Variants in ARHGAP15 observed in about 807,000 individuals in gnomAD.
ARHGAP15 encodes rho GTPase-activating protein 15.
In ARHGAP15, 51 loss-of-function variants were observed where a neutral mutation model predicts 63.7. That is an observed-to-expected ratio of 0.80 (90% CI 0.64 to 1.01). ARHGAP15 has a LOEUF of 1.01. Among genes scored for constraint, ARHGAP15 ranks in the 50% least tolerant of loss-of-function variants. ARHGAP15 has a pLI of 0.00. For missense variants in ARHGAP15, 560 were observed against 564.6 expected (o/e 0.99, Z 0.08); for synonymous variants, 191 against 193.8 (o/e 0.99, Z 0.12).
intron 10 of ARHGAP15, among the ~76,000 whole-genome samples, chr2:143,532,123 G>T (rs917914882): frequency 6.6e-6 from 1 of 152,170 alleles, no homozygotes; most frequent in Non-Finnish European, 1.5e-5. Flanking sequence ...AACAGTGACT[G>T]GGAATATTGT....
At chr2:143,421,158 A>G (rs1185541569) in intron 6 of ARHGAP15, among the ~76,000 whole-genome samples, 2 of 152,128 alleles carry the variant, frequency 1.3e-5, no homozygotes, top group African/African-American at 4.8e-5. Context: ...TTTATAAAGG[A>G]ACTCTTGCTT....
At chr2:143,588,372 T>G (rs1349086104) in intron 11 of ARHGAP15, among the ~76,000 whole-genome samples, 1 of 152,168 alleles carries the variant, frequency 6.6e-6, no homozygotes, top group African/African-American at 2.4e-5. Flanking sequence ...TTCTTTTAAT[T>G]TTTACTTTAA....
Position 143,191,420 on chromosome 2 carries a change from T to G in ARHGAP15, c.166-10714T>G, listed in dbSNP as rs530261314. ...TATTGAAGTTTGTGGTGAATTCAAA[T>G]AAATAATAGGTCACATGTATAAAGA... On this transcript the variant is annotated intron_variant, in intron 2 of 13. Coordinates refer to ENST00000295095, the MANE Select transcript of ARHGAP15 (RefSeq NM_018460.4). Among the ~76,000 whole-genome samples, 11 of 152,286 alleles carry G rather than the reference T, an allele frequency of 7.2e-5. No homozygotes were observed. The East Asian group carries it at 2.1e-3, about 29-fold the overall frequency.
chr2:143,542,086 C>T (rs937840890), intron 10 of ARHGAP15, among the ~76,000 whole-genome samples: 2 of 152,220 alleles, frequency 1.3e-5, no homozygotes, highest in Non-Finnish European at 2.9e-5. Context: ...GCGGGCACCC[C>T]TCCCCCAGCC....
At chr2:143,264,819 G>A (rs1680908503) in intron 6 of ARHGAP15, among the ~76,000 whole-genome samples, 1 of 151,988 alleles carries the variant, frequency 6.6e-6, no homozygotes, top group Admixed American at 6.6e-5. Context: ...GGTATTAACG[G>A]ACCTTGGAAA....
At chr2:143,480,973 C>A (rs1692052297) in intron 8 of ARHGAP15, among the ~76,000 whole-genome samples, 2 of 152,056 alleles carry the variant, frequency 1.3e-5, no homozygotes, top group South Asian at 4.2e-4. Flanking sequence ...CAGGGTAATT[C>A]CAATACAAGA....
intron 13 of ARHGAP15, among the ~76,000 whole-genome samples, chr2:143,732,735 A>G (rs866697660): frequency 1.2e-4 from 18 of 151,990 alleles, no homozygotes; most frequent in African/African-American, 4.3e-4. Context: ...AACTCACTAA[A>G]CAGTACACAT....
intron 8 of ARHGAP15, among the ~76,000 whole-genome samples, chr2:143,442,138 T>C (rs1689910534): frequency 6.6e-6 from 1 of 152,160 alleles, no homozygotes; most frequent in South Asian, 2.1e-4. Flanking sequence ...AAAACAAGTT[T>C]GATAGAGAAA....
chr2:143,420,353 T>C (rs1447416666), intron 6 of ARHGAP15, among the ~76,000 whole-genome samples: 1 of 152,106 alleles, frequency 6.6e-6, no homozygotes, highest in Non-Finnish European at 1.5e-5. Context: ...GCACCTTGAA[T>C]TGTAGTCTTG....
Position 143,216,370 on chromosome 2 carries a change from C to T in ARHGAP15, c.235-14C>T, listed in dbSNP as rs751211731. 6.2e-6 allele frequency: 10 copies of T among 1,603,408 alleles called. No individual in the cohort carries two copies. In the Middle Eastern group the frequency reaches 1.0e-3, roughly 167 times the overall value. On this transcript the variant is annotated splice_polypyrimidine_tract_variant and intron_variant, in intron 3 of 13. Coordinates refer to ENST00000295095, the MANE Select transcript of ARHGAP15 (RefSeq NM_018460.4). The stretch of plus-strand genomic sequence containing the variant: ...TAGTTTGTCACGGTTTTAACATATG[C>T]ATTCTTCTTGCAGATGGTTGAAAAA...
chr2:143,750,300 G>C (rs1686322977), intron 13 of ARHGAP15, among the ~76,000 whole-genome samples: 1 of 152,142 alleles, frequency 6.6e-6, no homozygotes, highest in Non-Finnish European at 1.5e-5. Flanking sequence ...AATTAGTGGG[G>C]CATGATGGCG....
intron 12 of ARHGAP15, among the ~76,000 whole-genome samples, chr2:143,673,899 T>G (rs1478140417): frequency 1.3e-5 from 2 of 150,278 alleles, no homozygotes; most frequent in Admixed American, 6.7e-5. Context: ...ATGAAAAGTT[T>G]CTTGATATTA....
chr2:143,474,005 G>A (rs906523896), intron 8 of ARHGAP15, among the ~76,000 whole-genome samples: 10 of 152,140 alleles, frequency 6.6e-5, no homozygotes, highest in Admixed American at 2.0e-4. Context: ...AAGTTTCAGA[G>A]GGGTTGGAAT....
intron 11 of ARHGAP15, among the ~76,000 whole-genome samples, chr2:143,605,598 CATG>C (rs1312771999): frequency 6.6e-6 from 1 of 152,020 alleles, no homozygotes; most frequent in Non-Finnish European, 1.5e-5. Flanking sequence ...CCTAGCTAAT[CATG>C]ATGCCAAGGT....
chr2:143,228,468 A>G, intron 4 of ARHGAP15, 113 bp from the exon 5 acceptor site: 1 of 543,962 alleles, frequency 1.8e-6, no homozygotes. Flanking sequence ...TTTTAGCAAG[A>G]CTGTTAAAAA....
At chr2:143,657,349 A>AAAAAC (rs1021327778) in intron 12 of ARHGAP15, among the ~76,000 whole-genome samples, 13 of 152,214 alleles carry the variant, frequency 8.5e-5, no homozygotes, top group Non-Finnish European at 1.9e-4. Context: ...TCCGCATCTT[A>AAAAAC]AAAACAAAAC....
chr2:143,316,976 C>T lies in ARHGAP15; in HGVS notation c.474+66376C>T, dbSNP rs941700158. Among the ~76,000 whole-genome samples the T allele has an allele frequency of 3.9e-5, 6 of 152,272 alleles. No individual in the cohort carries two copies. In the East Asian group the frequency reaches 7.7e-4, roughly 20 times the overall value. On this transcript the variant is annotated intron_variant, in intron 6 of 13. Transcript: ENST00000295095. ...AGTTTATGTACTTTAGGTGTCTGCT[C>T]AAATGGTAGTGCCTCAAATAAACTT...
At chr2:143,335,130 T>A (rs1684715112) in intron 6 of ARHGAP15, among the ~76,000 whole-genome samples, 1 of 152,198 alleles carries the variant, frequency 6.6e-6, no homozygotes, top group Non-Finnish European at 1.5e-5. Context: ...GAATTCAGTG[T>A]TCCCAAACAT....
chr2:143,703,399 CTTTTTA>C lies in ARHGAP15; in HGVS notation c.1139-14_1139-9del, dbSNP rs779965240. 3.1e-6 allele frequency: 5 copies of C among 1,591,386 alleles called. No individual in the cohort carries two copies. Among genetic ancestry groups the C allele is most frequent in the Non-Finnish European group, 4.3e-6 (5 of 1,171,858 alleles). ...AAATCTTGTTTTTTCCCTAACCTTCCTTTTTATTTTTTTTTCCAGAAAAGCAAGACA... is the reference window on the plus strand; with the variant it reads ...AAATCTTGTTTTTTCCCTAACCTTCCTTTTTTTTTCCAGAAAAGCAAGACA... On this transcript the variant is annotated splice_polypyrimidine_tract_variant and intron_variant, in intron 12 of 13. Transcript: ENST00000295095.
Sources: allele counts gnomAD v4.1 joint callset (sites outside exome capture counted in the v4.1 genomes callset), GRCh38; gene constraint gnomAD v4.1.1; transcripts MANE v1.5; gene names NCBI Gene and HGNC (gene_info 2026-07-23, HGNC 2026-07-21).